The following SORCS2 variants were observed in gnomAD, a reference collection of about 807,000 sequenced individuals.
SORCS2 encodes sortilin related VPS10 domain containing receptor 2.
SORCS2 carries 100 observed loss-of-function variants against 141.6 expected under a neutral mutation model. The observed-to-expected ratio is 0.71, with a 90% confidence interval of 0.60 to 0.83. SORCS2 has a LOEUF of 0.83. Ranked by LOEUF, SORCS2 falls within the 40% of genes least tolerant of loss-of-function variation. The pLI, the probability that SORCS2 is intolerant of heterozygous loss-of-function variation, is 0.00. For synonymous variants in SORCS2, 789 were observed against 676.9 expected, an observed-to-expected ratio of 1.17 and a Z score of -2.57; for missense variants, 1,646 against 1,560.2, an observed-to-expected ratio of 1.05 and a Z score of -0.93.
At chr4:7,345,898 C>A (rs1348147884) in intron 1 of SORCS2, among the ~76,000 whole-genome samples, 1 of 152,182 alleles carries the variant, frequency 6.6e-6, no homozygotes. Flanking sequence ...GCCCTTAGAA[C>A]ACTTTCTTCC....
At chr4:7,727,438 C>A (rs927248176) in intron 21 of SORCS2, among the ~76,000 whole-genome samples, 3 of 141,972 alleles carry the variant, frequency 2.1e-5, no homozygotes, top group East Asian at 4.2e-4. Flanking sequence ...CCCCCCCCCC[C>A]CTTGTCAAGG....
intron 2 of SORCS2, among the ~76,000 whole-genome samples, chr4:7,529,201 C>T (rs941701314): frequency 6.6e-6 from 1 of 152,170 alleles, no homozygotes; most frequent in African/African-American, 2.4e-5. Context: ...TCCTTCCTTC[C>T]AGACTCTGTG....
At chr4:7,472,346 GA>G (rs1698257631) in intron 2 of SORCS2, among the ~76,000 whole-genome samples, 1 of 152,194 alleles carries the variant, frequency 6.6e-6, no homozygotes, top group African/African-American at 2.4e-5. Context: ...GGAGTTTACT[GA>G]GTGGGAAAGG....
intron 2 of SORCS2, among the ~76,000 whole-genome samples, chr4:7,437,215 G>A (rs566188585): frequency 6.6e-6 from 1 of 152,118 alleles, no homozygotes; most frequent in Non-Finnish European, 1.5e-5. Context: ...TATAAACCAG[G>A]GTCCTGAGAC....
chr4:7,371,332 C>T (rs573748349), intron 1 of SORCS2, among the ~76,000 whole-genome samples: 21 of 152,274 alleles, frequency 1.4e-4, no homozygotes, highest in East Asian at 3.9e-4. Flanking sequence ...TCTGAAGTGA[C>T]GCTGCCGGGC....
chr4:7,377,593 C>G (rs993055069), intron 1 of SORCS2, among the ~76,000 whole-genome samples: 1 of 152,176 alleles, frequency 6.6e-6, no homozygotes, highest in Non-Finnish European at 1.5e-5. Flanking sequence ...AGTTTTTTGT[C>G]TTTGTCAAGT....
chr4:7,725,163 A>G lies in SORCS2; in HGVS notation c.2621A>G (p.Gln874Arg). Residue 874 changes from glutamine (Q) to arginine (R), a missense_variant, in exon 20 of 27, where the codon CAG (glutamine) becomes CGG (arginine). Transcript: ENST00000507866. ...TTTTGGGTCCCCACAGCCCCCCTGC[A>G]GGCCCTCTACCTGGAGGTGGTTCCT... ...VLFVQVNSPLQALYLEVVPVI... is the reference protein window; with the variant it reads ...VLFVQVNSPLRALYLEVVPVI... 6.2e-7 allele frequency: 1 copy of G among 1,613,190 alleles called. No homozygotes were observed. The highest frequency in any genetic ancestry group is 8.5e-7 in the Non-Finnish European group (1 of 1,179,450).
intron 2 of SORCS2, among the ~76,000 whole-genome samples, chr4:7,427,562 T>G (rs1726534744): frequency 6.6e-6 from 1 of 152,152 alleles, no homozygotes; most frequent in Non-Finnish European, 1.5e-5. Context: ...CCATCTGTGT[T>G]AGTGCGTTCT....
chr4:7,655,877 G>T (rs532587334), intron 5 of SORCS2, among the ~76,000 whole-genome samples: 1 of 151,756 alleles, frequency 6.6e-6, no homozygotes, highest in African/African-American at 2.4e-5. Flanking sequence ...GCCAGAGAAA[G>T]AAACCGACCC....
intron 2 of SORCS2, among the ~76,000 whole-genome samples, chr4:7,501,401 C>T (rs1012834759): frequency 1.3e-5 from 2 of 152,216 alleles, no homozygotes; most frequent in African/African-American, 4.8e-5. Flanking sequence ...GATCCAGTCC[C>T]CTTTCAAGTC....
chr4:7,229,864 G>C lies in SORCS2; in HGVS notation c.480+36738G>C, dbSNP rs34398738. On this transcript the variant is annotated intron_variant, in intron 1 of 26. Coordinates refer to ENST00000507866, the MANE Select transcript of SORCS2 (RefSeq NM_020777.3). ...GATGAAGATGGTCAAGTCTTCGAGT[G>C]TCTGGGCAGGAGCAGTGTGGTGTGC... Among the ~76,000 whole-genome samples, 86 of 148,106 alleles carry C rather than the reference G, an allele frequency of 5.8e-4. 1 individual carries two copies. The highest frequency in any genetic ancestry group is 2.1e-3 in the African/African-American group (82 of 38,872).
intron 3 of SORCS2, among the ~76,000 whole-genome samples, chr4:7,592,114 C>G (rs533488644): frequency 1.1e-4 from 17 of 152,292 alleles, no homozygotes; most frequent in Non-Finnish European, 1.6e-4. Context: ...GAAAAAGATA[C>G]GCTTCGAGTT....
chr4:7,374,263 G>A (rs1451187092), intron 1 of SORCS2, among the ~76,000 whole-genome samples: 3 of 151,770 alleles, frequency 2.0e-5, no homozygotes, highest in South Asian at 4.2e-4. Context: ...CTAAGGTATT[G>A]GAAAGAGAGA....
At chr4:7,461,754 A>C (rs1165099989) in intron 2 of SORCS2, among the ~76,000 whole-genome samples, 1 of 151,950 alleles carries the variant, frequency 6.6e-6, no homozygotes, top group African/African-American at 2.4e-5. Context: ...TGGGTGCCTC[A>C]CCTCTGACCC....
In SORCS2 at chr4:7,402,149, C is replaced by T. The variant is rs77855661; in HGVS notation, c.548+5794C>T. 4.9e-3 allele frequency among the ~76,000 whole-genome samples: 739 copies of T among 152,264 alleles called. 1 individual carries two copies. The highest frequency in any genetic ancestry group is 0.017 in the African/African-American group (700 of 41,540). ...TACCACACCAGAGCCGAGTCCAGCT[C>T]AATGCCTGTAATCTAGCTGTCATCA... On this transcript the variant is annotated intron_variant, in intron 2 of 26. Transcript: ENST00000507866.
At chr4:7,291,697 G>C (rs1362533431) in intron 1 of SORCS2, among the ~76,000 whole-genome samples, 1 of 152,194 alleles carries the variant, frequency 6.6e-6, no homozygotes, top group Non-Finnish European at 1.5e-5. Flanking sequence ...GAAGGGGACT[G>C]AGATGCCACC....
intron 2 of SORCS2, among the ~76,000 whole-genome samples, chr4:7,464,694 C>T (rs1370263226): frequency 6.6e-6 from 1 of 152,174 alleles, no homozygotes. Context: ...GTACTCTGAC[C>T]ATTTCCATTG....
chr4:7,583,813 T>A (rs1183745380), intron 3 of SORCS2, among the ~76,000 whole-genome samples: 1 of 152,242 alleles, frequency 6.6e-6, no homozygotes, highest in African/African-American at 2.4e-5. Flanking sequence ...GAAAACAGAC[T>A]AATACATATG....
In SORCS2 at chr4:7,344,106, C is replaced by A. The variant is rs558461854; in HGVS notation, c.481-52182C>A. Among the ~76,000 whole-genome samples the A allele has an allele frequency of 1.2e-3, 177 of 152,338 alleles. 1 individual carries two copies. The highest frequency in any genetic ancestry group is 4.1e-3 in the African/African-American group (171 of 41,578). On this transcript the variant is annotated intron_variant, in intron 1 of 26. Transcript: ENST00000507866. Reference sequence around the variant, plus strand: ...GGGTGGGTGCGGTGTGGACGTGGAACCTGACACCCTGCTCTGCCTACGCAC... The same window carrying A: ...GGGTGGGTGCGGTGTGGACGTGGAAACTGACACCCTGCTCTGCCTACGCAC...
Sources: gnomAD v4.1 joint callset for allele counts (sites outside exome capture counted in the v4.1 genomes callset) on GRCh38, gnomAD v4.1.1 for gene constraint, MANE v1.5 for transcripts, NCBI Gene and HGNC (gene_info 2026-07-23, HGNC 2026-07-21) for gene names.